Variants in BORCS5 observed in about 807,000 individuals in gnomAD.
BORCS5 encodes BLOC-1-related complex subunit 5.
In BORCS5, 17 loss-of-function variants were observed where a neutral mutation model predicts 22.1. The ratio of observed to expected loss-of-function variants is 0.77; its 90% CI spans 0.53 to 1.15. The LOEUF is 1.15. Ranked by LOEUF, BORCS5 falls within the 50% of genes most tolerant of loss-of-function variation. BORCS5 has a pLI of 0.00. For missense variants in BORCS5, 247 were observed against 253.2 expected, an observed-to-expected ratio of 0.98 and a Z score of 0.17; for synonymous variants, 117 against 99.8, an observed-to-expected ratio of 1.17 and a Z score of -1.03.
intron 3 of BORCS5, among the ~76,000 whole-genome samples, chr12:12,438,360 C>CAAAAAAAAAAAAAAAAAAA (rs57737663): frequency 7.8e-3 from 184 of 23,574 alleles, no homozygotes; most frequent in Non-Finnish European, 0.011. Context: ...GATTTCATCT[C>CAAAAAAAAAAAAAAAAAAA]AAAAAAAAAA....
chr12:12,426,453 T>G (rs1485996778), intron 2 of BORCS5, among the ~76,000 whole-genome samples: 1 of 152,236 alleles, frequency 6.6e-6, no homozygotes, highest in East Asian at 1.9e-4. Context: ...GGTGTGTCGT[T>G]TGTGGATACT....
chr12:12,379,418 C>A (rs1424691650), intron 2 of BORCS5, among the ~76,000 whole-genome samples: 3 of 151,528 alleles, frequency 2.0e-5, no homozygotes, highest in Non-Finnish European at 4.4e-5. Context: ...CCTAAGCCTG[C>A]AACTTTTCTT....
intron 2 of BORCS5, among the ~76,000 whole-genome samples, chr12:12,427,178 T>C (rs932883173): frequency 1.1e-3 from 49 of 43,506 alleles, no homozygotes; most frequent in East Asian, 9.1e-3. Context: ...TTTTCTTTTT[T>C]TTTTTTTTTT....
intron 3 of BORCS5, among the ~76,000 whole-genome samples, chr12:12,439,498 G>A (rs545294213): frequency 1.3e-5 from 2 of 152,118 alleles, no homozygotes; most frequent in South Asian, 4.2e-4. Flanking sequence ...AACAGGCATG[G>A]TGGTGCGTGC....
intron 3 of BORCS5, among the ~76,000 whole-genome samples, chr12:12,444,367 A>G (rs1698598254): frequency 6.6e-6 from 1 of 152,108 alleles, no homozygotes; most frequent in Non-Finnish European, 1.5e-5. Context: ...GAGTTCAGGG[A>G]CTCAGTTTCC....
At chr12:12,452,663 G>C (rs988702599) in intron 3 of BORCS5, among the ~76,000 whole-genome samples, 2 of 152,222 alleles carry the variant, frequency 1.3e-5, no homozygotes, top group Non-Finnish European at 2.9e-5. Flanking sequence ...TCACTTCAAA[G>C]TGTCCAGAAT....
intron 3 of BORCS5, among the ~76,000 whole-genome samples, chr12:12,455,028 C>T (rs1475393453): frequency 6.6e-6 from 1 of 152,194 alleles, no homozygotes; most frequent in Non-Finnish European, 1.5e-5. Flanking sequence ...GCAATATGCC[C>T]ATCTTCAAAT....
intron 3 of BORCS5, 66 bp downstream of exon 3, chr12:12,435,851 A>G: frequency 1.3e-6 from 2 of 1,483,438 alleles, no homozygotes; most frequent in Non-Finnish European, 1.8e-6. Context: ...TCTGGATGCC[A>G]TCTTAAGACT....
chr12:12,438,575 C>T (rs1942615351), intron 3 of BORCS5, among the ~76,000 whole-genome samples: 2 of 152,014 alleles, frequency 1.3e-5, no homozygotes, highest in African/African-American at 4.8e-5. Flanking sequence ...GCCCTGGTTA[C>T]ATGTTAAAAT....
intron 2 of BORCS5, among the ~76,000 whole-genome samples, chr12:12,380,638 A>G (rs1863756134): frequency 1.3e-5 from 2 of 151,442 alleles, no homozygotes; most frequent in African/African-American, 4.9e-5. Context: ...GATTCTTAGG[A>G]ACGGAATTGG....
At chr12:12,381,176 T>C (rs2136044193) in intron 2 of BORCS5, among the ~76,000 whole-genome samples, 1 of 151,220 alleles carries the variant, frequency 6.6e-6, no homozygotes, top group Admixed American at 6.6e-5. Flanking sequence ...ATTTTTGTGT[T>C]TTTAGTAGAG....
At chr12:12,381,882 CT>C (rs1355563059) in intron 2 of BORCS5, among the ~76,000 whole-genome samples, 1 of 151,136 alleles carries the variant, frequency 6.6e-6, no homozygotes, top group Non-Finnish European at 1.5e-5. Context: ...AATTATTAAC[CT>C]GTTTTGTTGA....
chr12:12,410,549 T>A (rs1319477943), intron 2 of BORCS5, among the ~76,000 whole-genome samples: 2 of 152,068 alleles, frequency 1.3e-5, no homozygotes, highest in Non-Finnish European at 2.9e-5. Flanking sequence ...ATATGCGGCA[T>A]TATTTCTGAG....
At chr12:12,419,177 A>G (rs1375679133) in intron 2 of BORCS5, among the ~76,000 whole-genome samples, 1 of 152,050 alleles carries the variant, frequency 6.6e-6, no homozygotes, top group African/African-American at 2.4e-5. Flanking sequence ...TATTTCTCCT[A>G]ATGCTATCCC....
intron 2 of BORCS5, among the ~76,000 whole-genome samples, chr12:12,388,033 TG>T (rs1410569375): frequency 6.6e-6 from 1 of 151,462 alleles, no homozygotes; most frequent in Non-Finnish European, 1.5e-5. Context: ...AGTTTCTAGT[TG>T]GTATTTTTGT....
At chr12:12,409,980 GTGA>G (rs1419784974) in intron 2 of BORCS5, among the ~76,000 whole-genome samples, 9 of 152,242 alleles carry the variant, frequency 5.9e-5, no homozygotes, top group African/African-American at 2.2e-4. Context: ...CTGATGGCCA[GTGA>G]TGATGAGCAT....
At chr12:12,413,265 A>C (rs552333981) in intron 2 of BORCS5, among the ~76,000 whole-genome samples, 2 of 115,674 alleles carry the variant, frequency 1.7e-5, no homozygotes, top group African/African-American at 7.8e-5. Context: ...ACTTAAGATT[A>C]GGGAGTGGTG....
chr12:12,452,111 A>C, intron 3 of BORCS5: 1 of 499,170 alleles, frequency 2.0e-6, no homozygotes, highest in Non-Finnish European at 3.9e-6. Flanking sequence ...TTTTATTTAA[A>C]AGAGGGCAGG....
chr12:12,383,343 A>G (rs140947376), intron 2 of BORCS5, among the ~76,000 whole-genome samples: 1 of 151,476 alleles, frequency 6.6e-6, no homozygotes, highest in African/African-American at 2.4e-5. Flanking sequence ...TGTAAACCCA[A>G]AACACAGTGT....
Sources: gnomAD v4.1 joint callset for allele counts (sites outside exome capture counted in the v4.1 genomes callset) on GRCh38, gnomAD v4.1.1 for gene constraint, MANE v1.5 for transcripts, NCBI Gene and HGNC (gene_info 2026-07-23, HGNC 2026-07-21) for gene names.